Variants in CXCL12 observed in about 807,000 individuals in gnomAD.
The protein encoded by CXCL12 is C-X-C motif chemokine ligand 12.
Under a neutral mutation model 10.7 loss-of-function variants are expected in CXCL12, and 4 were observed. The observed-to-expected ratio is 0.37, with a 90% CI of 0.18 to 0.86. The LOEUF is 0.86. Among genes scored for constraint, CXCL12 ranks in the 40% least tolerant of loss-of-function variants. CXCL12 has a pLI of 0.43. For missense variants in CXCL12, 122 were observed against 110.4 expected (o/e 1.10, Z -0.47); for synonymous variants, 54 against 45.4 (o/e 1.19, Z -0.77).
intron 1 of CXCL12, among the ~76,000 whole-genome samples, chr10:44,384,429 G>A (rs1839732929): frequency 6.6e-6 from 1 of 152,312 alleles, no homozygotes; most frequent in East Asian, 1.9e-4. Context: ...CGCAGGGAGC[G>A]GAGGCTGCGC....
rs1839498365 is a variant in CXCL12, at chr10:44,377,742, G to C, written c.*891C>G. 7 of 1,598,252 alleles carry C rather than the reference G, an allele frequency of 4.4e-6. No individual in the cohort carries two copies. Among genetic ancestry groups the C allele is most frequent in the Non-Finnish European group, 5.9e-6 (7 of 1,179,814 alleles). ...GACTTGTCTTTTGCGGGTAAGCAGGGGGACCATTACACATCCCCAGGAGAG... is the reference window on the plus strand; with the variant it reads ...GACTTGTCTTTTGCGGGTAAGCAGGCGGACCATTACACATCCCCAGGAGAG... On this transcript the variant is annotated 3_prime_UTR_variant, in exon 3 of 3. Transcript: ENST00000343575.
At chr10:44,371,483 A>G (rs1236742779), downstream of CXCL12, 3 of 283,278 alleles carry the variant, frequency 1.1e-5, no homozygotes, top group Non-Finnish European at 2.1e-5. Flanking sequence ...AGAGTTCTGT[A>G]TCTTTATAAC....
At chr10:44,374,579 G>A (rs1839402358), downstream of CXCL12, 3 of 456,048 alleles carry the variant, frequency 6.6e-6, no homozygotes, top group Middle Eastern at 6.5e-4. Context: ...GGAAACAAAG[G>A]TCTTTGGCTG....
chr10:44,384,746 T>C (rs1839744974), intron 1 of CXCL12, among the ~76,000 whole-genome samples, 199 bp downstream of exon 1: 3 of 152,346 alleles, frequency 2.0e-5, no homozygotes, highest in Admixed American at 1.3e-4. Context: ...GGTCGCTCTC[T>C]GCAGGTCACA....
chr10:44,372,779 G>A, downstream of CXCL12: 4 of 1,453,256 alleles, frequency 2.8e-6, no homozygotes, highest in Non-Finnish European at 1.8e-6. Flanking sequence ...GCTCAGGGTA[G>A]CCCTGCTGCC....
At position 44,377,631 on chromosome 10, in the gene CXCL12, T is replaced by C; in HGVS notation, c.*1002A>G. On this transcript the variant is annotated 3_prime_UTR_variant, in exon 3 of 3. Coordinates refer to ENST00000343575, the MANE Select transcript of CXCL12 (RefSeq NM_199168.4). ...ACCTCAGAGTTTGTTAGTGCCTCCA[T>C]GGCATACATAGGCTTCAGAGGCAAT... 3.9e-6 allele frequency: 6 copies of C among 1,535,594 alleles called. No homozygotes were observed. Among genetic ancestry groups the C allele is most frequent in the South Asian group, 1.2e-5 (1 of 82,814 alleles).
chr10:44,377,982 G>A lies in CXCL12; in HGVS notation c.*651C>T. ...AGAGAGTAGGAATAGCTGGGAGAGGGGTCTCTGAGCACAGTCCCAGTAATA... is the reference window on the plus strand; with the variant it reads ...AGAGAGTAGGAATAGCTGGGAGAGGAGTCTCTGAGCACAGTCCCAGTAATA... On this transcript the variant is annotated 3_prime_UTR_variant, in exon 3 of 3. Transcript: ENST00000343575. The A allele has an allele frequency of 6.6e-7, 1 of 1,516,050 alleles. No homozygotes were observed. The highest frequency in any genetic ancestry group is 8.8e-7 in the Non-Finnish European group (1 of 1,142,490). 93.9% of individuals were successfully genotyped at this position (1,516,050 alleles called of 1,614,324 possible).
chr10:44,371,179 T>C (rs1023652271), downstream of CXCL12: 52 of 246,836 alleles, frequency 2.1e-4, no homozygotes, highest in African/African-American at 1.2e-3. Context: ...AGGAGCTGAT[T>C]GTTAGTAGAG....
chr10:44,377,969 T>C lies in CXCL12; in HGVS notation c.*664A>G, dbSNP rs781087790. 6.7e-5 allele frequency: 102 copies of C among 1,519,898 alleles called. No individual in the cohort carries two copies. The Middle Eastern group carries it at 7.0e-4, about 10-fold the overall frequency. The allele number at this position is 1,519,898 out of a possible 1,614,324, so 94.2% of individuals were successfully genotyped here. A position where few individuals can be genotyped will look rare whatever the true frequency, so the allele number is the denominator to read the frequency against. ...CTCGGAGTCGGGGAGAGAGTAGGAATAGCTGGGAGAGGGGTCTCTGAGCAC... is the reference window on the plus strand; with the variant it reads ...CTCGGAGTCGGGGAGAGAGTAGGAACAGCTGGGAGAGGGGTCTCTGAGCAC... On this transcript the variant is annotated 3_prime_UTR_variant, in exon 3 of 3. Coordinates refer to ENST00000343575, the MANE Select transcript of CXCL12 (RefSeq NM_199168.4).
rs746503551 is a variant in CXCL12 at position 44,385,007 on chromosome 10, G to T, written c.-2C>A. On this transcript the variant is annotated 5_prime_UTR_variant, in exon 1 of 3. Transcript: ENST00000343575. ...CACGACCACGACCTTGGCGTTCATG[G>T]CGCGGGCGGGCGGGCGGGCGGGCGG... is the stretch of plus-strand genomic sequence containing the variant. 6.9e-7 allele frequency: 1 copy of T among 1,457,804 alleles called. No individual in the cohort carries two copies. Among genetic ancestry groups the T allele is most frequent in the Non-Finnish European group, 9.0e-7 (1 of 1,109,588 alleles). 90.3% of individuals were successfully genotyped at this position (1,457,804 alleles called of 1,614,324 possible).
intron 1 of CXCL12, 122 bp from the exon 2 acceptor site, chr10:44,381,002 C>T (rs1839614805): frequency 1.2e-6 from 1 of 818,230 alleles, no homozygotes; most frequent in East Asian, 2.4e-5. Flanking sequence ...GGGGTAAGTT[C>T]CAGGTTACTG....
chr10:44,375,477 C>T (rs1839426155), downstream of CXCL12, among the ~76,000 whole-genome samples: 2 of 47,682 alleles, frequency 4.2e-5, no homozygotes, highest in African/African-American at 1.0e-4. Flanking sequence ...CCTGGCGAGG[C>T]CACCTCTGCT....
downstream of CXCL12, chr10:44,373,389 C>T: frequency 1.3e-6 from 2 of 1,537,556 alleles, no homozygotes; most frequent in Non-Finnish European, 8.9e-7. Flanking sequence ...AGGTTCCCCC[C>T]ACACCCAGCC....
In CXCL12 at chr10:44,378,594, C is replaced by T. The variant is rs17881685; in HGVS notation, c.*39G>A. ...TCTCTCACAAGGTTTTAGTTTTCCT[C>T]GAGTGGGTCTAGCGGAAAGTCCTTT... On this transcript the variant is annotated 3_prime_UTR_variant, in exon 3 of 3. Coordinates refer to ENST00000343575, the MANE Select transcript of CXCL12 (RefSeq NM_199168.4). 1.9e-4 allele frequency: 311 copies of T among 1,613,552 alleles called. 1 individual carries two copies. The African/African-American group carries it at 3.7e-3, about 19-fold the overall frequency.
chr10:44,385,057 G>T lies in CXCL12; in HGVS notation c.-52C>A, dbSNP rs774355292. Reference sequence around the variant, plus strand: ...GACGAGCGCGGGTCGGGGGCCGGACGCCGAGCGGGCAATGCGGCTGACGGA... The same window carrying T: ...GACGAGCGCGGGTCGGGGGCCGGACTCCGAGCGGGCAATGCGGCTGACGGA... On this transcript the variant is annotated 5_prime_UTR_variant, in exon 1 of 3. Coordinates refer to ENST00000343575, the MANE Select transcript of CXCL12 (RefSeq NM_199168.4). 35 of 1,341,318 alleles carry T rather than the reference G, an allele frequency of 2.6e-5. 1 individual carries two copies. The Admixed American group carries it at 9.1e-4, about 35-fold the overall frequency. The allele number at this position is 1,341,318 out of a possible 1,614,324, so 83.1% of individuals were successfully genotyped here. A position where few individuals can be genotyped will look rare whatever the true frequency, so the allele number is the denominator to read the frequency against.
downstream of CXCL12, chr10:44,374,365 A>G (rs1839394270): frequency 2.3e-6 from 1 of 435,360 alleles, no homozygotes; most frequent in Admixed American, 2.6e-5. Flanking sequence ...GCTTTTGTCA[A>G]GAGTCCCATG....
intron 1 of CXCL12, among the ~76,000 whole-genome samples, chr10:44,382,226 A>T (rs1839653656): frequency 6.6e-6 from 1 of 152,296 alleles, no homozygotes; most frequent in South Asian, 2.1e-4. Flanking sequence ...GTTACACCTG[A>T]TCTAACTCCA....
Position 44,378,214 on chromosome 10 carries a change from C to A in CXCL12, c.*419G>T, listed in dbSNP as rs767268297. On this transcript the variant is annotated 3_prime_UTR_variant, in exon 3 of 3. Coordinates refer to ENST00000343575, the MANE Select transcript of CXCL12 (RefSeq NM_199168.4). ...CACCACCTGACTGTGCCCAGACTCCCCAGGGGAGCAGAGGAGATGCTCCAA... is the reference window on the plus strand; with the variant it reads ...CACCACCTGACTGTGCCCAGACTCCACAGGGGAGCAGAGGAGATGCTCCAA... 1 of 1,450,050 alleles carries A rather than the reference C, an allele frequency of 6.9e-7. No homozygotes were observed. Among genetic ancestry groups the A allele is most frequent in the Admixed American group, 2.1e-5 (1 of 48,206 alleles). The allele number at this position is 1,450,050 out of a possible 1,614,324, so 89.8% of individuals were successfully genotyped here.
At position 44,378,553 on chromosome 10, in the gene CXCL12, C is replaced by G; in HGVS notation, c.*80G>C. ...CTCATGGTTAAGGCCCCCTCCCCCA[C>G]GTCTTTGCCCTTTCATCTCTCACAA... On this transcript the variant is annotated 3_prime_UTR_variant, in exon 3 of 3. Transcript: ENST00000343575. The G allele has an allele frequency of 1.2e-6, 2 of 1,605,322 alleles. No individual in the cohort carries two copies. The highest frequency in any genetic ancestry group is 1.7e-6 in the Non-Finnish European group (2 of 1,174,694).
Sources: allele counts gnomAD v4.1 joint callset (sites outside exome capture counted in the v4.1 genomes callset), GRCh38; gene constraint gnomAD v4.1.1; transcripts MANE v1.5; gene names NCBI Gene and HGNC (gene_info 2026-07-23, HGNC 2026-07-21).